Variants in LDAF1 observed in about 807,000 individuals in gnomAD.
The protein encoded by LDAF1 is PROMETHIN.
Under a neutral mutation model 13.5 loss-of-function variants are expected in LDAF1, and 7 were observed. The ratio of observed to expected loss-of-function variants is 0.52; its 90% CI spans 0.29 to 0.97. LDAF1 has a LOEUF of 0.97. Among genes scored for constraint, LDAF1 ranks in the 50% least tolerant of loss-of-function variants. LDAF1 has a pLI of 0.07. For synonymous variants in LDAF1, 69 were observed against 77.1 expected (o/e 0.89, Z 0.55); for missense variants, 148 against 193.2 (o/e 0.77, Z 1.39).
intron 4 of LDAF1, 24 bp downstream of exon 4, chr16:21,174,172 T>G: frequency 6.3e-7 from 1 of 1,586,860 alleles, no homozygotes; most frequent in Non-Finnish European, 8.5e-7. Flanking sequence ...CATGAAATAA[T>G]TTATTTTTTT....
Position 21,179,995 on chromosome 16 carries a change from A to C in LDAF1, c.*439A>C, listed in dbSNP as rs1223203643. 1 of 156,842 alleles carries C rather than the reference A, an allele frequency of 6.4e-6. No homozygotes were observed. Among genetic ancestry groups the C allele is most frequent in the Admixed American group, 6.1e-5 (1 of 16,500 alleles). 9.7% of individuals were successfully genotyped at this position (156,842 alleles called of 1,614,324 possible). Reference sequence around the variant, plus strand: ...GAAAAAAAAAATCCAAAACAGAACAAGCCCTTCTGTGGTATTTGCTTTTTA... The same window carrying C: ...GAAAAAAAAAATCCAAAACAGAACACGCCCTTCTGTGGTATTTGCTTTTTA... On this transcript the variant is annotated 3_prime_UTR_variant, in exon 5 of 5. Coordinates refer to ENST00000233047, the MANE Select transcript of LDAF1 (RefSeq NM_001301771.2).
At chr16:21,166,214 C>A (rs971637316) in intron 2 of LDAF1, among the ~76,000 whole-genome samples, 2 of 152,060 alleles carry the variant, frequency 1.3e-5, no homozygotes, top group African/African-American at 4.8e-5. Flanking sequence ...ATCCAAAACA[C>A]TATAATTTCA....
chr16:21,172,161 AAAG>A (rs1445541223), intron 3 of LDAF1, among the ~76,000 whole-genome samples: 1 of 151,742 alleles, frequency 6.6e-6, no homozygotes, highest in African/African-American at 2.4e-5. Flanking sequence ...AAAAAAAAAA[AAAG>A]AGGCCGGACA....
At chr16:21,168,006 CA>C (rs746968001) in intron 2 of LDAF1, among the ~76,000 whole-genome samples, 174 of 119,540 alleles carry the variant, frequency 1.5e-3, no homozygotes, top group Non-Finnish European at 2.1e-3. Flanking sequence ...AACTCCATCT[CA>C]AAAAAAAAAA....
chr16:21,161,579 C>T (rs770672486), intron 2 of LDAF1, among the ~76,000 whole-genome samples: 1 of 152,232 alleles, frequency 6.6e-6, no homozygotes, highest in Non-Finnish European at 1.5e-5. Flanking sequence ...CTTCCAATTA[C>T]ATCCCTTAAG....
At chr16:21,170,262 C>G (rs2093073819) in intron 2 of LDAF1, 175 bp from the exon 3 acceptor site, 8 of 982,568 alleles carry the variant, frequency 8.1e-6, no homozygotes, top group Non-Finnish European at 9.7e-6. Flanking sequence ...CTTGGCCTCC[C>G]AAAGTGTTGG....
intron 2 of LDAF1, among the ~76,000 whole-genome samples, chr16:21,164,989 G>A (rs144212912): frequency 6.6e-6 from 1 of 152,336 alleles, no homozygotes; most frequent in Non-Finnish European, 1.5e-5. Flanking sequence ...AGTGTTTAAT[G>A]AATGTTCTCT....
intron 4 of LDAF1, among the ~76,000 whole-genome samples, chr16:21,176,897 C>T (rs1269164152): frequency 5.2e-5 from 7 of 134,948 alleles, no homozygotes; most frequent in Non-Finnish European, 1.1e-4. Context: ...TAGACTCTGT[C>T]TGGAAAAAAA....
chr16:21,164,612 T>C (rs2093007067), intron 2 of LDAF1, among the ~76,000 whole-genome samples: 1 of 152,190 alleles, frequency 6.6e-6, no homozygotes, highest in African/African-American at 2.4e-5. Context: ...GAAGATTATC[T>C]GAGATGCTGT....
intron 2 of LDAF1, among the ~76,000 whole-genome samples, chr16:21,165,780 ATAT>A: frequency 6.6e-6 from 1 of 152,316 alleles, no homozygotes; most frequent in East Asian, 1.9e-4. Context: ...TCTAGCAGAA[ATAT>A]TATGTGAGCC....
intron 1 of LDAF1, among the ~76,000 whole-genome samples, chr16:21,159,606 C>G (rs560131313): frequency 1.6e-4 from 24 of 152,310 alleles, no homozygotes; most frequent in African/African-American, 5.8e-4. Context: ...GTGAAGAAGG[C>G]GGGGCACTCC....
At chr16:21,159,060 C>T (rs945168572) in intron 1 of LDAF1, among the ~76,000 whole-genome samples, 1 of 151,652 alleles carries the variant, frequency 6.6e-6, no homozygotes, top group Non-Finnish European at 1.5e-5. Flanking sequence ...GTAGCTAGCA[C>T]CACCACACCC....
At chr16:21,160,717 C>A (rs2092962867) in intron 1 of LDAF1, among the ~76,000 whole-genome samples, 1 of 152,018 alleles carries the variant, frequency 6.6e-6, no homozygotes, top group African/African-American at 2.4e-5. Flanking sequence ...AAGTATCATA[C>A]ACATCTTTTC....
At chr16:21,168,100 C>T (rs571646305) in intron 2 of LDAF1, among the ~76,000 whole-genome samples, 2 of 152,120 alleles carry the variant, frequency 1.3e-5, no homozygotes, top group East Asian at 3.9e-4. Flanking sequence ...CTGCAACCTC[C>T]GCCTTCCAGG....
chr16:21,165,450 G>A (rs2093014735), intron 2 of LDAF1: 1 of 300,944 alleles, frequency 3.3e-6, no homozygotes, highest in Non-Finnish European at 4.9e-6. Flanking sequence ...ATTCCTTAAG[G>A]ACTGAAGTGG....
intron 2 of LDAF1, chr16:21,165,733 G>GTT: frequency 4.5e-5 from 22 of 486,538 alleles, no homozygotes; most frequent in South Asian, 9.1e-5. Flanking sequence ...TTTGTTCCCT[G>GTT]TTTTTTTTTT....
At position 21,161,115 on chromosome 16, in the gene LDAF1, C is replaced by A; in HGVS notation, c.-68C>A. On this transcript the variant is annotated 5_prime_UTR_variant, in exon 2 of 5. Coordinates refer to ENST00000233047, the MANE Select transcript of LDAF1 (RefSeq NM_001301771.2). ...GACAGAGCGACATGAGAGATTGGAC[C>A]GCGGGCTGCACTGGAGAATTTACTG... 2 of 1,590,744 alleles carry A rather than the reference C, an allele frequency of 1.3e-6. No homozygotes were observed. Among genetic ancestry groups the A allele is most frequent in the Admixed American group, 1.8e-5 (1 of 56,040 alleles).
intron 3 of LDAF1, among the ~76,000 whole-genome samples, chr16:21,171,491 TGATA>T (rs1190982006): frequency 2.0e-5 from 3 of 152,052 alleles, no homozygotes; most frequent in African/African-American, 7.2e-5. Flanking sequence ...GAGTAAATGT[TGATA>T]GATAGATGGG....
At chr16:21,175,828 T>C (rs569655195) in intron 4 of LDAF1, among the ~76,000 whole-genome samples, 32 of 152,374 alleles carry the variant, frequency 2.1e-4, no homozygotes, top group African/African-American at 4.8e-4. Flanking sequence ...ATGGCTCTTA[T>C]AGGATTGCTT....
Sources: gnomAD v4.1 joint callset for allele counts (sites outside exome capture counted in the v4.1 genomes callset) on GRCh38, gnomAD v4.1.1 for gene constraint, MANE v1.5 for transcripts, NCBI Gene and HGNC (gene_info 2026-07-23, HGNC 2026-07-21) for gene names.